Variants in KLHL26 observed in about 807,000 individuals in gnomAD.
KLHL26 encodes the protein kelch-like protein 26.
Under a neutral mutation model 7.1 loss-of-function variants are expected in KLHL26, and 4 were observed. The ratio of observed to expected loss-of-function variants is 0.56; its 90% CI spans 0.28 to 1.28. KLHL26 has a LOEUF of 1.28. Among genes scored for constraint, KLHL26 ranks in the 50% most tolerant of loss-of-function variants. The pLI is 0.11. For synonymous variants in KLHL26, 465 were observed against 414.1 expected, an observed-to-expected ratio of 1.12 and a Z score of -1.49; for missense variants, 896 against 924.6, an observed-to-expected ratio of 0.97 and a Z score of 0.40.
intron 1 of KLHL26, among the ~76,000 whole-genome samples, chr19:18,639,602 G>T (rs1000585111): frequency 1.3e-5 from 2 of 151,260 alleles, no homozygotes; most frequent in African/African-American, 4.9e-5. Context: ...TAGAGACGGG[G>T]TTTTGCCATG....
rs772486491 is a variant in KLHL26, at chr19:18,667,692, G to A, written c.295G>A (p.Ala99Thr). ...RAMFTGGMRE[A>T]SQDVIELKGV... is the part of the protein sequence containing the mutation. ...CATGTTCACCGGCGGCATGCGGGAGGCAAGCCAGGACGTCATCGAGCTGAA... is the reference window on the plus strand; with the variant it reads ...CATGTTCACCGGCGGCATGCGGGAGACAAGCCAGGACGTCATCGAGCTGAA... Residue 99 changes from alanine (A) to threonine (T), a missense_variant, in exon 3 of 3, where the codon GCA becomes ACA. Ala to Thr is a moderately conservative substitution (Grantham distance 58). Coordinates refer to ENST00000300976, the MANE Select transcript of KLHL26 (RefSeq NM_018316.3). The A allele has an allele frequency of 6.2e-7, 1 of 1,612,512 alleles. No homozygotes were observed. Among genetic ancestry groups the A allele is most frequent in the Non-Finnish European group, 8.5e-7 (1 of 1,179,644 alleles).
At position 18,646,662 on chromosome 19, in the gene KLHL26, C is replaced by G. The variant is rs1056219989; in HGVS notation, c.83+9525C>G. 2.6e-5 allele frequency among the ~76,000 whole-genome samples: 4 copies of G among 152,154 alleles called. No individual in the cohort carries two copies. Among genetic ancestry groups the G allele is most frequent in the African/African-American group, 9.7e-5 (4 of 41,428 alleles). ...TGGGGAGAGGTCACATGTACCTCAT[C>G]AGTGTTACTGTGGCAGTGCTGACGC... On this transcript the variant is annotated intron_variant, in intron 1 of 2. Coordinates refer to ENST00000300976, the MANE Select transcript of KLHL26 (RefSeq NM_018316.3). This position sits in a 1 kb window ranked among gnomAD's most constrained non-coding sequence, Gnocchi z 5.0.
Position 18,650,606 on chromosome 19 carries a change from T to A in KLHL26, c.83+13469T>A, listed in dbSNP as rs938176181. On this transcript the variant is annotated intron_variant, in intron 1 of 2. Transcript: ENST00000300976. This position sits in a 1 kb window ranked among gnomAD's most constrained non-coding sequence, Gnocchi z 4.2. Reference sequence around the variant, plus strand: ...GGGGTCAGGAGCGCACAAATGTTTATACTCCACGTGAGTCACTTGCACAGA... The same window carrying A: ...GGGGTCAGGAGCGCACAAATGTTTAAACTCCACGTGAGTCACTTGCACAGA... 6.6e-6 allele frequency among the ~76,000 whole-genome samples: 1 copy of A among 152,190 alleles called. No individual in the cohort carries two copies. Among genetic ancestry groups the A allele is most frequent in the Admixed American group, 6.5e-5 (1 of 15,274 alleles).
chr19:18,637,045 C>G lies in KLHL26; in HGVS notation c.-10C>G, dbSNP rs1976630232. 3 of 1,337,674 alleles carry G rather than the reference C, an allele frequency of 2.2e-6. No individual in the cohort carries two copies. The highest frequency in any genetic ancestry group is 2.9e-6 in the Non-Finnish European group (3 of 1,036,476). 82.9% of individuals were successfully genotyped at this position (1,337,674 alleles called of 1,614,324 possible). The stretch of plus-strand genomic sequence containing the variant: ...CTCCCGTCACTCGAACGCGCGACGG[C>G]GGGGGGAAGATGGCGGAGTCCGGCG... On this transcript the variant is annotated 5_prime_UTR_variant, in exon 1 of 3. Coordinates refer to ENST00000300976, the MANE Select transcript of KLHL26 (RefSeq NM_018316.3).
At chr19:18,654,998 C>T (rs1204003621) in intron 1 of KLHL26, among the ~76,000 whole-genome samples, 1 of 152,238 alleles carries the variant, frequency 6.6e-6, no homozygotes, top group African/African-American at 2.4e-5. Flanking sequence ...ATGGGGTTCC[C>T]CTTTCAGCCA....
chr19:18,664,863 C>T (rs1264976680), intron 2 of KLHL26, among the ~76,000 whole-genome samples: 4 of 151,992 alleles, frequency 2.6e-5, no homozygotes, highest in Non-Finnish European at 4.4e-5. Flanking sequence ...AGATTATAGG[C>T]GTGAGCCACC....
Position 18,668,464 on chromosome 19 carries a change from T to C in KLHL26, c.1067T>C (p.Val356Ala). ...EMEVGCSHTC[V>A]AVLDNFVYVA... ...GAGGTAGGCTGCAGCCACACGTGCG[T>C]GGCCGTGCTGGACAATTTTGTGTAC... The change falls in exon 3 of 3, where the codon GTG becomes GCG. Residue 356 changes from valine to alanine, a missense_variant. Transcript: ENST00000300976. 6.2e-7 allele frequency: 1 copy of C among 1,610,806 alleles called. No individual in the cohort carries two copies. The highest frequency in any genetic ancestry group is 8.5e-7 in the Non-Finnish European group (1 of 1,179,570).
chr19:18,657,928 C>T (rs1311105780), intron 1 of KLHL26, among the ~76,000 whole-genome samples: 2 of 152,144 alleles, frequency 1.3e-5, no homozygotes, highest in South Asian at 2.1e-4. Context: ...GTGCCGGAAC[C>T]CAGCAACTCC....
intron 1 of KLHL26, among the ~76,000 whole-genome samples, chr19:18,645,473 G>C (rs1273974290): frequency 2.0e-5 from 3 of 152,092 alleles, no homozygotes; most frequent in Non-Finnish European, 4.4e-5. Context: ...GGGGTGAGGT[G>C]GGGGGATCTG....
chr19:18,641,011 G>A (rs1193685680), intron 1 of KLHL26, among the ~76,000 whole-genome samples: 1 of 151,878 alleles, frequency 6.6e-6, no homozygotes, highest in Non-Finnish European at 1.5e-5. Context: ...TCTTCATTTG[G>A]TGTTTTTATT....
intron 1 of KLHL26, among the ~76,000 whole-genome samples, chr19:18,661,734 C>CT (rs905231536): frequency 6.6e-6 from 1 of 152,046 alleles, no homozygotes; most frequent in Non-Finnish European, 1.5e-5. Flanking sequence ...GGACATGAGC[C>CT]TTTAGAGTGT....
chr19:18,661,631 C>T (rs1391740896), intron 1 of KLHL26, among the ~76,000 whole-genome samples: 2 of 152,092 alleles, frequency 1.3e-5, no homozygotes, highest in African/African-American at 2.4e-5. Flanking sequence ...TGTGATTCCA[C>T]GAATCTCCTT....
rs755173511 is a variant in KLHL26, at chr19:18,667,874, C to T, written c.477C>T (p.Ala159=). ...VELCEEFLKA[A]MSVETCLNIG... is the part of the protein sequence containing the mutation. ...TGTGCGAGGAGTTCCTGAAGGCGGC[C>T]ATGAGCGTGGAGACCTGCCTCAACA... The change falls in exon 3 of 3, where the codon GCC becomes GCT. Residue 159 remains alanine, a synonymous_variant. Coordinates refer to ENST00000300976, the MANE Select transcript of KLHL26 (RefSeq NM_018316.3). The T allele has an allele frequency of 1.2e-6, 2 of 1,612,818 alleles. No homozygotes were observed. Among genetic ancestry groups the T allele is most frequent in the Non-Finnish European group, 1.7e-6 (2 of 1,180,006 alleles).
chr19:18,648,284 C>G lies in KLHL26; in HGVS notation c.83+11147C>G, dbSNP rs950505668. Among the ~76,000 whole-genome samples the G allele has an allele frequency of 6.6e-6, 1 of 152,082 alleles. No individual in the cohort carries two copies. Among genetic ancestry groups the G allele is most frequent in the Non-Finnish European group, 1.5e-5 (1 of 68,012 alleles). On this transcript the variant is annotated intron_variant, in intron 1 of 2. Transcript: ENST00000300976. This position sits in a 1 kb window ranked among gnomAD's most constrained non-coding sequence, Gnocchi z 4.9. ...GCTCTGGAGGCTGAGGCACGAGAGT[C>G]GATTGAACCCAGGAGCCGAGATTGC...
intron 1 of KLHL26, among the ~76,000 whole-genome samples, chr19:18,662,207 G>A (rs945323016): frequency 3.3e-5 from 5 of 152,140 alleles, no homozygotes; most frequent in African/African-American, 9.7e-5. Flanking sequence ...CAGGAGGCAC[G>A]AGAAGTCCTC....
chr19:18,654,044 C>T (rs1851986300), intron 1 of KLHL26, among the ~76,000 whole-genome samples: 1 of 137,224 alleles, frequency 7.3e-6, no homozygotes, highest in Non-Finnish European at 1.6e-5. Context: ...CCCACCTACC[C>T]ACCTACCCAT....
At chr19:18,652,468 T>G (rs1420093853) in intron 1 of KLHL26, among the ~76,000 whole-genome samples, 5 of 151,610 alleles carry the variant, frequency 3.3e-5, no homozygotes, top group African/African-American at 1.2e-4. Flanking sequence ...TGGGCGCCTA[T>G]AGTCCCAGCT....
Position 18,646,807 on chromosome 19 carries a change from A to T in KLHL26, c.83+9670A>T, listed in dbSNP as rs1423317784. The stretch of plus-strand genomic sequence containing the variant: ...TGTCAGGCAGGGAAAGGAGAGGGTG[A>T]ACTTGAGCCATTGGGAAGACAGTAG... On this transcript the variant is annotated intron_variant, in intron 1 of 2. Transcript: ENST00000300976. The surrounding 1 kb of genome is among the most constrained non-coding windows in gnomAD (Gnocchi z 5.0). Among the ~76,000 whole-genome samples the T allele has an allele frequency of 6.6e-6, 1 of 152,200 alleles. No homozygotes were observed. The highest frequency in any genetic ancestry group is 2.4e-5 in the African/African-American group (1 of 41,456).
chr19:18,660,671 C>T lies in KLHL26; in HGVS notation c.84-3590C>T, dbSNP rs537854984. Among the ~76,000 whole-genome samples, 8 of 152,288 alleles carry T rather than the reference C, an allele frequency of 5.3e-5. No individual in the cohort carries two copies. The South Asian group carries it at 6.2e-4, about 12-fold the overall frequency. Reference sequence around the variant, plus strand: ...CCGCCCAGGCTGCGTCTCGCTTCTCCGTCCAGGCTGGGGGACTCCTGCCCC... The same window carrying T: ...CCGCCCAGGCTGCGTCTCGCTTCTCTGTCCAGGCTGGGGGACTCCTGCCCC... On this transcript the variant is annotated intron_variant, in intron 1 of 2. Transcript: ENST00000300976.
Sources: allele counts gnomAD v4.1 joint callset (sites outside exome capture counted in the v4.1 genomes callset), GRCh38; gene constraint gnomAD v4.1.1; non-coding constraint Gnocchi (gnomAD v3.1); transcripts MANE v1.5; gene names NCBI Gene and HGNC (gene_info 2026-07-23, HGNC 2026-07-21).